Variants in CDC45 observed in about 807,000 individuals in gnomAD.
The protein encoded by CDC45 is cell division cycle 45.
A neutral mutation model predicts 77.8 loss-of-function variants in CDC45; 54 were observed. That is an observed-to-expected ratio of 0.69 (90% CI 0.56 to 0.87). The LOEUF is 0.87. Ranked by LOEUF, CDC45 falls within the 40% of genes least tolerant of loss-of-function variation. The pLI is 0.00. For synonymous variants in CDC45, 260 were observed against 272.1 expected (o/e 0.96, Z 0.44); for missense variants, 649 against 721.6 (o/e 0.90, Z 1.15).
chr22:19,494,691 A>G, intron 6 of CDC45: 3 of 914,422 alleles, frequency 3.3e-6, no homozygotes, highest in South Asian at 1.4e-5. Flanking sequence ...CAAATTATTT[A>G]TAAGAAGTGC....
chr22:19,519,689 C>G (rs1934004340), intron 18 of CDC45, among the ~76,000 whole-genome samples: 1 of 152,236 alleles, frequency 6.6e-6, no homozygotes, highest in Non-Finnish European at 1.5e-5. Context: ...TCCCCACTCT[C>G]CCATCCGTCC....
At chr22:19,510,863 G>T (rs1461034186) in intron 13 of CDC45, among the ~76,000 whole-genome samples, 5 of 152,152 alleles carry the variant, frequency 3.3e-5, no homozygotes, top group Non-Finnish European at 5.9e-5. Flanking sequence ...CCATTGGATG[G>T]ATATATTCTA....
chr22:19,491,650 G>T (rs552058917), intron 5 of CDC45, among the ~76,000 whole-genome samples: 49 of 152,106 alleles, frequency 3.2e-4, no homozygotes, highest in Non-Finnish European at 5.1e-4. Flanking sequence ...TGAGTGTTCA[G>T]AAGTTTAATT....
intron 3 of CDC45, among the ~76,000 whole-genome samples, chr22:19,482,366 T>C (rs1341723612): frequency 1.3e-5 from 2 of 152,280 alleles, no homozygotes; most frequent in Non-Finnish European, 2.9e-5. Flanking sequence ...AGCATAGTAC[T>C]GTGAGGTCTG....
upstream of CDC45, chr22:19,479,794 G>A: frequency 1.5e-6 from 1 of 688,382 alleles, no homozygotes. Context: ...ATGGCAGAGC[G>A]CTAATGGCCG....
intron 9 of CDC45, among the ~76,000 whole-genome samples, chr22:19,501,015 AAG>A (rs998151009): frequency 6.6e-5 from 10 of 152,142 alleles, no homozygotes; most frequent in Non-Finnish European, 1.3e-4. Flanking sequence ...CGTCTCTACT[AAG>A]AATAGAAAAA....
At chr22:19,499,940 T>G (rs2090311689) in intron 9 of CDC45, among the ~76,000 whole-genome samples, 1 of 152,166 alleles carries the variant, frequency 6.6e-6, no homozygotes, top group African/African-American at 2.4e-5. Context: ...ATAGGCCCCA[T>G]GCCACTATTT....
chr22:19,509,220 G>A (rs960795049), intron 13 of CDC45, among the ~76,000 whole-genome samples: 1 of 152,154 alleles, frequency 6.6e-6, no homozygotes, highest in Non-Finnish European at 1.5e-5. Flanking sequence ...TAGAAAAGAG[G>A]ATTATAGTGT....
intron 13 of CDC45, among the ~76,000 whole-genome samples, chr22:19,509,095 C>T (rs1472103162): frequency 6.6e-6 from 1 of 151,984 alleles, no homozygotes; most frequent in Admixed American, 6.6e-5. Flanking sequence ...TGTCTTTTCG[C>T]TTGTTTTGAA....
At position 19,480,194 on chromosome 22, in the gene CDC45, C is replaced by G. The variant is rs4141527; in HGVS notation, c.88C>G (p.Leu30Val). 6.2e-7 allele frequency: 1 copy of G among 1,613,908 alleles called. No individual in the cohort carries two copies. The highest frequency in any genetic ancestry group is 8.5e-7 in the Non-Finnish European group (1 of 1,179,944). Residue 30 changes from leucine (L) to valine (V), a missense_variant, in exon 2 of 19, where the codon CTG becomes GTG. Coordinates refer to ENST00000263201, the MANE Select transcript of CDC45 (RefSeq NM_003504.5). ...CTTCGTGGCCTCGGACGTGGATGCTCTGTGTGCGTGCAAGATCCTTCAGGT... is the reference window on the plus strand; with the variant it reads ...CTTCGTGGCCTCGGACGTGGATGCTGTGTGTGCGTGCAAGATCCTTCAGGT... ...LLFVASDVDA[L>V]CACKILQALF...
Position 19,480,010 on chromosome 22 carries a change from C to G in CDC45, c.42C>G (p.Val14=). ...SDFRKEFYEV[V]QSQRVLLFVA... is the part of the protein sequence containing the mutation. Reference sequence around the variant, plus strand: ...TCCGCAAAGAGTTCTACGAGGTGGTCCAGAGCCAGGTGACGCCCAGTCCGG... The same window carrying G: ...TCCGCAAAGAGTTCTACGAGGTGGTGCAGAGCCAGGTGACGCCCAGTCCGG... Residue 14 remains valine, a synonymous_variant, in exon 1 of 19, where the codon GTC becomes GTG. Coordinates refer to ENST00000263201, the MANE Select transcript of CDC45 (RefSeq NM_003504.5). 1 of 1,613,942 alleles carries G rather than the reference C, an allele frequency of 6.2e-7. No individual in the cohort carries two copies. The highest frequency in any genetic ancestry group is 8.5e-7 in the Non-Finnish European group (1 of 1,180,012).
intron 9 of CDC45, among the ~76,000 whole-genome samples, chr22:19,503,729 G>C (rs773258558): frequency 1.3e-5 from 2 of 152,156 alleles, no homozygotes. Context: ...CCCCTCAAAC[G>C]AGGCCCTTCC....
Position 19,516,517 on chromosome 22 carries a change from G to A in CDC45, c.1441-10G>A, listed in dbSNP as rs574806914. On this transcript the variant is annotated splice_polypyrimidine_tract_variant and intron_variant, in intron 15 of 18. Coordinates refer to ENST00000263201, the MANE Select transcript of CDC45 (RefSeq NM_003504.5). ...CATACCCTGACGGAGGGTGCTCTCC[G>A]ACTCCATAGACAAAGAACCGGCGCT... 12 of 1,611,484 alleles carry A rather than the reference G, an allele frequency of 7.4e-6. No individual in the cohort carries two copies. The African/African-American group carries it at 9.3e-5, about 13-fold the overall frequency.
At chr22:19,506,944 A>G (rs1286655009) in intron 10 of CDC45, among the ~76,000 whole-genome samples, 1 of 151,654 alleles carries the variant, frequency 6.6e-6, no homozygotes, top group South Asian at 2.1e-4. Flanking sequence ...AAAAAAAAAA[A>G]ACGAAAAAAG....
chr22:19,502,215 A>T (rs1457004872), intron 9 of CDC45, among the ~76,000 whole-genome samples: 1 of 152,224 alleles, frequency 6.6e-6, no homozygotes, highest in Non-Finnish European at 1.5e-5. Context: ...CCTTTTATGC[A>T]AAGTCCTGAC....
intron 5 of CDC45, among the ~76,000 whole-genome samples, chr22:19,490,245 C>T (rs1176291883): frequency 1.3e-5 from 2 of 152,190 alleles, no homozygotes; most frequent in Non-Finnish European, 2.9e-5. Context: ...TTCTCTATCT[C>T]TTAATTGATA....
chr22:19,507,287 G>A, intron 10 of CDC45, 99 bp from the exon 11 acceptor site: 1 of 1,455,840 alleles, frequency 6.9e-7, no homozygotes, highest in South Asian at 1.2e-5. Flanking sequence ...CAGGCCTGGT[G>A]AGAAAGGGCC....
At chr22:19,487,022 G>A (rs2090079565) in intron 5 of CDC45, among the ~76,000 whole-genome samples, 2 of 151,876 alleles carry the variant, frequency 1.3e-5, no homozygotes, top group Admixed American at 1.3e-4. Flanking sequence ...AGCCTGGTGT[G>A]GTGGCTCAAG....
At position 19,505,361 on chromosome 22, in the gene CDC45, G is replaced by A. The variant is rs1390203675; in HGVS notation, c.705-1G>A. On this transcript the variant is annotated splice_acceptor_variant, in intron 9 of 18. Coordinates refer to ENST00000263201, the MANE Select transcript of CDC45 (RefSeq NM_003504.5). LOFTEE classifies it high-confidence loss of function. ...GAGGCTTGTGCTACTTTTTTTTCCA[G>A]AATGAAATACGTGACTGATGTTGGT... The A allele has an allele frequency of 6.2e-7, 1 of 1,614,050 alleles. No homozygotes were observed. Among genetic ancestry groups the A allele is most frequent in the East Asian group, 2.2e-5 (1 of 44,878 alleles).
Sources: allele counts gnomAD v4.1 joint callset (sites outside exome capture counted in the v4.1 genomes callset), GRCh38; gene constraint gnomAD v4.1.1; transcripts MANE v1.5; gene names NCBI Gene and HGNC (gene_info 2026-07-23, HGNC 2026-07-21).